UGT2A2: variants seen among roughly 807,000 people sequenced by gnomAD.
The protein encoded by UGT2A2 is UDP-glucuronosyltransferase 2A2.
Under a neutral mutation model 50.7 loss-of-function variants are expected in UGT2A2, and 60 were observed. That is an observed-to-expected ratio of 1.18 (90% CI 0.96 to 1.47). The LOEUF is 1.47. Ranked by LOEUF, UGT2A2 falls within the 40% of genes most tolerant of loss-of-function variation. UGT2A2 has a pLI of 0.00. For synonymous variants in UGT2A2, 242 were observed against 214.6 expected (o/e 1.13, Z -1.11); for missense variants, 762 against 634.0 (o/e 1.20, Z -2.17).
chr4:69,613,009 T>C (rs1038534601), intron 1 of UGT2A2, among the ~76,000 whole-genome samples: 1 of 149,344 alleles, frequency 6.7e-6, no homozygotes, highest in Non-Finnish European at 1.5e-5. Context: ...CCAGATTATA[T>C]GAAAAATTTA....
chr4:69,639,063 CCA>C lies in UGT2A2; in HGVS notation c.576_577del (p.Cys192TrpfsTer19), dbSNP rs1383495097. On this transcript the variant is annotated frameshift_variant, in exon 1 of 6. Coordinates refer to ENST00000604629, the MANE Select transcript of UGT2A2 (RefSeq NM_001105677.2). LOFTEE classifies it high-confidence loss of function. Reference sequence around the variant, plus strand: ...ATAGGAGACTGGTGCTGGGATTTTCCCACAGTGTCTCTCCACTGTTGATGCTG... The same window carrying C: ...ATAGGAGACTGGTGCTGGGATTTTCCCAGTGTCTCTCCACTGTTGATGCTG... 6.2e-7 allele frequency: 1 copy of C among 1,613,316 alleles called. No homozygotes were observed. The highest frequency in any genetic ancestry group is 1.1e-5 in the South Asian group (1 of 90,990).
At chr4:69,596,744 C>G (rs535050739) in intron 2 of UGT2A2, among the ~76,000 whole-genome samples, 51 of 152,224 alleles carry the variant, frequency 3.4e-4, no homozygotes, top group African/African-American at 1.2e-3. Flanking sequence ...CTGGTCTCCA[C>G]CTCCTGGCCT....
In UGT2A2 at chr4:69,589,589, T is replaced by C. The variant is rs767812077; in HGVS notation, c.1394A>G (p.Asp465Gly). 6.2e-7 allele frequency: 1 copy of C among 1,613,996 alleles called. No homozygotes were observed. Among genetic ancestry groups the C allele is most frequent in the East Asian group, 2.2e-5 (1 of 44,874 alleles). ...IHHDQPVKPL[D>G]RAVFWIEFVM... The stretch of plus-strand genomic sequence containing the variant: ...AAACTCGATCCAGAAGACTGCTCGA[T>C]CCAGGGGCTTTACAGGTTGATCATG... The change falls in exon 6 of 6, where the codon GAT becomes GGT. Residue 465 changes from aspartate to glycine, a missense_variant. By Grantham distance (94) the Asp-to-Gly change is moderately conservative. Coordinates refer to ENST00000604629, the MANE Select transcript of UGT2A2 (RefSeq NM_001105677.2).
In UGT2A2 at chr4:69,596,279, C is replaced by A; in HGVS notation, c.994G>T (p.Ala332Ser). 6.2e-7 allele frequency: 1 copy of A among 1,606,248 alleles called. No homozygotes were observed. Residue 332 changes from alanine (A) to serine (S), a missense_variant, in exon 3 of 6, where the codon GCC becomes TCC. Ala to Ser is a moderately conservative substitution (Grantham distance 99, BLOSUM62 1). Coordinates refer to ENST00000604629, the MANE Select transcript of UGT2A2 (RefSeq NM_001105677.2). Reference sequence around the variant, plus strand: ...TGTGGAATCTGGGCAAGGGCTGAGGCAATAAGATTGGCCTTTTCTTCTGTA... The same window carrying A: ...TGTGGAATCTGGGCAAGGGCTGAGGAAATAAGATTGGCCTTTTCTTCTGTA... ...NLTEEKANLI[A>S]SALAQIPQKV...
At chr4:69,617,543 A>G (rs1476841913) in intron 1 of UGT2A2, among the ~76,000 whole-genome samples, 1 of 151,924 alleles carries the variant, frequency 6.6e-6, no homozygotes, top group East Asian at 1.9e-4. Flanking sequence ...GCCATTCTCT[A>G]AGCACTAGTT....
intron 1 of UGT2A2, among the ~76,000 whole-genome samples, chr4:69,622,013 G>T (rs968390896): frequency 6.6e-6 from 1 of 151,734 alleles, no homozygotes; most frequent in African/African-American, 2.4e-5. Flanking sequence ...CTTGAGGGTG[G>T]ATGGTGGAAG....
At chr4:69,589,755 T>TA in intron 5 of UGT2A2, 104 bp from the exon 6 acceptor site, 1 of 1,457,048 alleles carries the variant, frequency 6.9e-7, no homozygotes, top group South Asian at 1.4e-5. Context: ...AGGCCATAGT[T>TA]ACGTGGAGAA....
intron 5 of UGT2A2, among the ~76,000 whole-genome samples, chr4:69,590,557 G>A (rs540356837): frequency 1.6e-4 from 25 of 152,168 alleles, no homozygotes; most frequent in African/African-American, 5.5e-4. Context: ...TGTTAGGACT[G>A]GGGAATGGGG....
At chr4:69,619,090 A>G (rs1720589205) in intron 1 of UGT2A2, among the ~76,000 whole-genome samples, 1 of 151,966 alleles carries the variant, frequency 6.6e-6, no homozygotes, top group Non-Finnish European at 1.5e-5. Context: ...GTTTATCAAT[A>G]TTGATAGATA....
At chr4:69,592,994 A>G (rs377219176) in intron 5 of UGT2A2, among the ~76,000 whole-genome samples, 153 of 152,280 alleles carry the variant, frequency 1.0e-3, no homozygotes, top group African/African-American at 3.5e-3. Context: ...GCAAAAAGAT[A>G]CAACAGTCAG....
chr4:69,618,805 G>C (rs578110582), intron 1 of UGT2A2, among the ~76,000 whole-genome samples: 75 of 151,854 alleles, frequency 4.9e-4, no homozygotes, highest in South Asian at 1.2e-3. Context: ...TTCTTAGACA[G>C]ATGAAAATTA....
intron 1 of UGT2A2, among the ~76,000 whole-genome samples, chr4:69,614,630 C>T (rs141706101): frequency 6.6e-6 from 1 of 151,886 alleles, no homozygotes; most frequent in African/African-American, 2.4e-5. Flanking sequence ...ACATATAGAC[C>T]AATGGAATAG....
At position 69,594,631 on chromosome 4, in the gene UGT2A2, G is replaced by A; in HGVS notation, c.1177C>T (p.His393Tyr). The A allele has an allele frequency of 6.2e-7, 1 of 1,614,080 alleles. No homozygotes were observed. The highest frequency in any genetic ancestry group is 8.5e-7 in the Non-Finnish European group (1 of 1,180,018). The part of the protein sequence containing the change: ...GTNGIYEAIY[H>Y]GVPMVGVPMF... ...GGAACTCCCACCATAGGGACTCCGT[G>A]GTAAATAGCTTCGTAGATCCCATTA... The change falls in exon 5 of 6, where the codon CAC becomes TAC. Residue 393 changes from histidine to tyrosine, a missense_variant. His to Tyr is a moderately conservative substitution (Grantham distance 83). Transcript: ENST00000604629.
At chr4:69,620,871 T>TGACAAAACC (rs1228983613) in intron 1 of UGT2A2, among the ~76,000 whole-genome samples, 1 of 151,802 alleles carries the variant, frequency 6.6e-6, no homozygotes, top group East Asian at 1.9e-4. Context: ...TCTACAAAAC[T>TGACAAAACC]GACAAAACCG....
chr4:69,604,637 A>G (rs1182739273), intron 1 of UGT2A2, among the ~76,000 whole-genome samples: 1 of 137,200 alleles, frequency 7.3e-6, no homozygotes, highest in Admixed American at 7.2e-5. Context: ...AATTGGATAA[A>G]GAGCCAAGAC....
chr4:69,597,740 A>G (rs1431237692), intron 2 of UGT2A2, among the ~76,000 whole-genome samples: 1 of 152,082 alleles, frequency 6.6e-6, no homozygotes, highest in Non-Finnish European at 1.5e-5. Context: ...ACACACAAAC[A>G]TACACATACA....
intron 1 of UGT2A2, among the ~76,000 whole-genome samples, chr4:69,619,276 G>A (rs1183591484): frequency 2.0e-5 from 3 of 151,566 alleles, no homozygotes; most frequent in Non-Finnish European, 4.4e-5. Flanking sequence ...TGGTGCATGC[G>A]TGTAGTCCAG....
At chr4:69,602,782 G>A (rs1719371604) in intron 1 of UGT2A2, among the ~76,000 whole-genome samples, 1 of 137,288 alleles carries the variant, frequency 7.3e-6, no homozygotes, top group African/African-American at 2.9e-5. Flanking sequence ...TCACAGATAA[G>A]AAGATCAAAA....
rs1322893399 is a variant in UGT2A2 at position 69,603,793 on chromosome 4, A to C, written c.743-4399T>G. On this transcript the variant is annotated intron_variant, in intron 1 of 5. Transcript: ENST00000604629. ...ATGCACAAGCCTCAGTAGCCGATTC[A>C]ATCAACTGGAAGAAAGGGTATCAGT... 8.0e-5 allele frequency among the ~76,000 whole-genome samples: 11 copies of C among 137,236 alleles called. 1 individual carries two copies. The highest frequency in any genetic ancestry group is 3.2e-4 in the African/African-American group (11 of 33,948). The allele number at this position is 137,236 out of a possible 152,430, so 90.0% of individuals were successfully genotyped here.
Sources: gnomAD v4.1 joint callset for allele counts (sites outside exome capture counted in the v4.1 genomes callset) on GRCh38, gnomAD v4.1.1 for gene constraint, MANE v1.5 for transcripts, NCBI Gene and HGNC (gene_info 2026-07-23, HGNC 2026-07-21) for gene names.